GRAP2: variants seen among roughly 807,000 people sequenced by gnomAD.
GRAP2 encodes GRB2 related adaptor protein 2.
A neutral mutation model predicts 43.5 loss-of-function variants in GRAP2; 31 were observed. That is an observed-to-expected ratio of 0.71 (90% CI 0.54 to 0.96). The LOEUF (loss-of-function observed/expected upper bound fraction) is 0.96. Among genes scored for constraint, GRAP2 ranks in the 40% least tolerant of loss-of-function variants. The pLI is 0.00. For missense variants in GRAP2, 371 were observed against 424.4 expected, an observed-to-expected ratio of 0.87 and a Z score of 1.11; for synonymous variants, 156 against 164.8, an observed-to-expected ratio of 0.95 and a Z score of 0.41.
chr22:39,966,096 A>C lies in GRAP2; in HGVS notation c.397A>C (p.Arg133=). 6.2e-7 allele frequency: 1 copy of C among 1,614,018 alleles called. No individual in the cohort carries two copies. The change falls in exon 5 of 8, where the codon AGG becomes CGG. Residue 133 remains arginine (R), a synonymous_variant. Transcript: ENST00000344138. The part of the protein sequence containing the change: ...PSLNKLVDYY[R]TNSISRQKQI... ...CCTAAATAAGCTGGTAGACTACTAC[A>C]GGACAAATTCCATCTCCAGACAGAA...
upstream of GRAP2, among the ~76,000 whole-genome samples, chr22:39,900,633 G>A (rs550908065): frequency 1.4e-4 from 22 of 152,284 alleles, no homozygotes; most frequent in Middle Eastern, 3.4e-3. Flanking sequence ...ACCTCATGCT[G>A]GACTGTGGCA....
chr22:39,952,892 G>A (rs907653824), intron 2 of GRAP2, among the ~76,000 whole-genome samples: 2 of 152,152 alleles, frequency 1.3e-5, no homozygotes, highest in Non-Finnish European at 2.9e-5. Context: ...CATCAGCTCT[G>A]TGAGGTGCTA....
At chr22:39,929,445 A>C (rs535634792) in intron 1 of GRAP2, among the ~76,000 whole-genome samples, 17 of 152,218 alleles carry the variant, frequency 1.1e-4, no homozygotes, top group Non-Finnish European at 2.1e-4. Context: ...GAAGAGAAGA[A>C]AGATAATAGA....
At chr22:39,902,877 A>G (rs149986574) in intron 1 of GRAP2, among the ~76,000 whole-genome samples, 4 of 152,352 alleles carry the variant, frequency 2.6e-5, no homozygotes, top group Non-Finnish European at 5.9e-5. Context: ...GCAAGGCGAT[A>G]TCATGATTAG....
chr22:39,932,548 C>CAAAAAAA (rs137982), intron 1 of GRAP2, among the ~76,000 whole-genome samples: 1 of 43,412 alleles, frequency 2.3e-5, no homozygotes, highest in Non-Finnish European at 4.7e-5. Context: ...CCTGTCTCTA[C>CAAAAAAA]AAAAAAAAAA....
At position 39,973,422 on chromosome 22, in the gene GRAP2, C is replaced by T. The variant is rs1387123867; in HGVS notation, c.*2338C>T. 2 of 152,288 alleles carry T rather than the reference C, an allele frequency of 1.3e-5. No individual in the cohort carries two copies. Among genetic ancestry groups the T allele is most frequent in the East Asian group, 3.9e-4 (2 of 5,178 alleles). The allele number at this position is 152,288 out of a possible 1,614,324, so 9.4% of individuals were successfully genotyped here. The stretch of plus-strand genomic sequence containing the variant: ...ACCAGGGGGTGACAGGGGTCATCGG[C>T]CTGCAGGAGCTGACCCCGTAGGCAG... On this transcript the variant is annotated 3_prime_UTR_variant, in exon 8 of 8. Coordinates refer to ENST00000344138, the MANE Select transcript of GRAP2 (RefSeq NM_004810.4).
At chr22:39,902,032 G>A (rs1225087990) in intron 1 of GRAP2, among the ~76,000 whole-genome samples, 1 of 152,116 alleles carries the variant, frequency 6.6e-6, no homozygotes, top group Non-Finnish European at 1.5e-5. Context: ...GTATTGCCCT[G>A]ACAGGTATAC....
rs529504495 is a variant in GRAP2, at chr22:39,910,561, A to AC, written c.-15+9233dup. Among the ~76,000 whole-genome samples, 494 of 152,022 alleles carry AC rather than the reference A, an allele frequency of 3.2e-3. 1 individual carries two copies. The highest frequency in any genetic ancestry group is 4.9e-3 in the Non-Finnish European group (334 of 67,964). On this transcript the variant is annotated intron_variant, in intron 1 of 7. Transcript: ENST00000344138. The stretch of plus-strand genomic sequence containing the variant: ...GTAGCTGGGATTACAGGCGCCCGCC[A>AC]CCACGCCCGGCTAATTTTTGTATTT...
intron 1 of GRAP2, among the ~76,000 whole-genome samples, chr22:39,902,873 C>T (rs558073603): frequency 1.5e-4 from 23 of 152,230 alleles, no homozygotes; most frequent in African/African-American, 5.1e-4. Flanking sequence ...AAATGCAAGG[C>T]GATATCATGA....
At chr22:39,928,059 G>T (rs2066722459) in intron 1 of GRAP2, among the ~76,000 whole-genome samples, 1 of 152,164 alleles carries the variant, frequency 6.6e-6, no homozygotes, top group African/African-American at 2.4e-5. Flanking sequence ...GCCTCTTTCT[G>T]CGACCATTTT....
In GRAP2 at chr22:39,967,997, T is replaced by C. The variant is rs760149080; in HGVS notation, c.460-45T>C. ...CCGAGGGTAGGGTAGGGCCAGACGA[T>C]CAGAGAGGAGGATGCATCTGCAGCA... On this transcript the variant is annotated intron_variant, in intron 5 of 7. Coordinates refer to ENST00000344138, the MANE Select transcript of GRAP2 (RefSeq NM_004810.4). 4.4e-6 allele frequency: 7 copies of C among 1,587,272 alleles called. No homozygotes were observed. In the African/African-American group the frequency reaches 8.1e-5, roughly 18 times the overall value.
chr22:39,927,687 A>G (rs932622105), intron 1 of GRAP2, among the ~76,000 whole-genome samples: 2 of 151,834 alleles, frequency 1.3e-5, no homozygotes, highest in African/African-American at 4.8e-5. Flanking sequence ...CCTCTCACCC[A>G]TGACTACTTG....
At chr22:39,933,041 C>T (rs2066772014) in intron 1 of GRAP2, among the ~76,000 whole-genome samples, 1 of 152,164 alleles carries the variant, frequency 6.6e-6, no homozygotes, top group Admixed American at 6.5e-5. Context: ...CTTCAAGTCC[C>T]CTGGAAGAAT....
intron 6 of GRAP2, 24 bp from the exon 7 acceptor site, chr22:39,969,387 C>T (rs55838499): frequency 6.2e-7 from 1 of 1,612,882 alleles, no homozygotes; most frequent in Non-Finnish European, 8.5e-7. Flanking sequence ...GTGGGGTGAC[C>T]AGTCTTCTGT....
chr22:39,916,005 T>C (rs1016269414), intron 1 of GRAP2, among the ~76,000 whole-genome samples: 4 of 152,196 alleles, frequency 2.6e-5, no homozygotes, highest in Non-Finnish European at 5.9e-5. Context: ...CCTTCCCTCT[T>C]GCTTAAGCTC....
At position 39,923,020 on chromosome 22, in the gene GRAP2, C is replaced by T. The variant is rs561914863; in HGVS notation, c.-15+21690C>T. ...TTGCTCCACTGTACTCCAGCCTGGG[C>T]GACAGAGTGAGATTCAGTTAAAAAA... is the stretch of plus-strand genomic sequence containing the variant. On this transcript the variant is annotated intron_variant, in intron 1 of 7. Transcript: ENST00000344138. Among the ~76,000 whole-genome samples, 52 of 145,772 alleles carry T rather than the reference C, an allele frequency of 3.6e-4. 1 individual carries two copies. Among genetic ancestry groups the T allele is most frequent in the African/African-American group, 1.2e-3 (47 of 38,494 alleles).
intron 5 of GRAP2, 110 bp from the exon 6 acceptor site, chr22:39,967,932 A>C: frequency 7.2e-7 from 1 of 1,392,060 alleles, no homozygotes; most frequent in Non-Finnish European, 9.6e-7. Context: ...CCCACCAGCT[A>C]TTTCTTGGAG....
chr22:39,912,305 A>C, intron 1 of GRAP2, among the ~76,000 whole-genome samples: 1 of 152,156 alleles, frequency 6.6e-6, no homozygotes, highest in East Asian at 1.9e-4. Context: ...CTGTAGTCCT[A>C]GCTACAGGAG....
intron 1 of GRAP2, among the ~76,000 whole-genome samples, chr22:39,937,988 A>T (rs763613398): frequency 6.6e-6 from 1 of 152,272 alleles, no homozygotes; most frequent in African/African-American, 2.4e-5. Flanking sequence ...CACTAAAAAA[A>T]AAAAGTTAGA....
Sources: gnomAD v4.1 joint callset for allele counts (sites outside exome capture counted in the v4.1 genomes callset) on GRCh38, gnomAD v4.1.1 for gene constraint, MANE v1.5 for transcripts, NCBI Gene and HGNC (gene_info 2026-07-23, HGNC 2026-07-21) for gene names.